The following SNUPN variants were observed in gnomAD, a reference collection of about 807,000 sequenced individuals.
SNUPN encodes the protein snurportin 1, also known as snurportin-1.
SNUPN carries 31 observed loss-of-function variants against 39.2 expected under a neutral mutation model. The ratio of observed to expected loss-of-function variants is 0.79; its 90% confidence interval spans 0.59 to 1.07. The LOEUF (loss-of-function observed/expected upper bound fraction) is 1.07. SNUPN is among the 50% of genes least tolerant of loss of function. SNUPN has a pLI of 0.00. For missense variants in SNUPN, 382 were observed against 434.2 expected (o/e 0.88, Z 1.07); for synonymous variants, 132 against 159.0 (o/e 0.83, Z 1.28).
chr15:75,618,345 G>A (rs995591971), intron 2 of SNUPN, among the ~76,000 whole-genome samples: 10 of 151,810 alleles, frequency 6.6e-5, no homozygotes, highest in Admixed American at 2.0e-4. Flanking sequence ...TTTACGGACC[G>A]TAGGTGTATG....
Position 75,609,356 on chromosome 15 carries a change from A to G in SNUPN, c.502+202T>C, listed in dbSNP as rs548107352. ...AGGTGCCCACCACCGCACCCGGCTA[A>G]TTTTTTGTATTTTTAGTAGAGACGG... is the stretch of plus-strand genomic sequence containing the variant. On this transcript the variant is annotated intron_variant, in intron 5 of 8. Transcript: ENST00000308588. Among the ~76,000 whole-genome samples the G allele has an allele frequency of 5.3e-5, 8 of 151,468 alleles. No individual in the cohort carries two copies. The East Asian group carries it at 1.6e-3, about 30-fold the overall frequency.
At chr15:75,616,607 A>G (rs1400152613) in intron 3 of SNUPN, among the ~76,000 whole-genome samples, 2 of 152,146 alleles carry the variant, frequency 1.3e-5, no homozygotes, top group African/African-American at 2.4e-5. Flanking sequence ...ACCATATTCT[A>G]AAGGCAGGGG....
At chr15:75,607,148 T>G (rs886122264) in intron 6 of SNUPN, 68 bp downstream of exon 6, 1 of 1,154,230 alleles carries the variant, frequency 8.7e-7, no homozygotes, top group South Asian at 1.2e-5. Context: ...CAAACCCACA[T>G]GCTGAGCCGC....
chr15:75,611,219 A>G (rs752167511), intron 3 of SNUPN, among the ~76,000 whole-genome samples: 1 of 151,168 alleles, frequency 6.6e-6, no homozygotes, highest in Non-Finnish European at 1.5e-5. Flanking sequence ...CTCTCATTGA[A>G]TCTTTCATTT....
At chr15:75,606,104 C>T (rs2075329190) in intron 6 of SNUPN, among the ~76,000 whole-genome samples, 1 of 152,134 alleles carries the variant, frequency 6.6e-6, no homozygotes, top group South Asian at 2.1e-4. Context: ...CAGATCGCAG[C>T]ACTGCACTCC....
At chr15:75,601,344 T>C (rs2141360265) in intron 7 of SNUPN, 126 bp from the exon 8 acceptor site, 1 of 631,596 alleles carries the variant, frequency 1.6e-6, no homozygotes, top group Middle Eastern at 3.3e-4. Context: ...GGAGGCAAAG[T>C]CAGGAGGATC....
chr15:75,624,139 G>A (rs1893153201), intron 1 of SNUPN, among the ~76,000 whole-genome samples: 1 of 147,434 alleles, frequency 6.8e-6, no homozygotes, highest in Non-Finnish European at 1.5e-5. Context: ...GTTTTAGCCG[G>A]GATGGTCTCG....
intron 1 of SNUPN, among the ~76,000 whole-genome samples, chr15:75,621,379 G>A (rs1193124976): frequency 6.6e-6 from 1 of 150,516 alleles, no homozygotes; most frequent in African/African-American, 2.4e-5. Flanking sequence ...TCCCACCTCA[G>A]CTTCCCCAGT....
At chr15:75,606,676 C>T (rs947264556) in intron 6 of SNUPN, among the ~76,000 whole-genome samples, 7 of 152,106 alleles carry the variant, frequency 4.6e-5, no homozygotes, top group Admixed American at 1.3e-4. Flanking sequence ...ATATTGGGGC[C>T]TCTCCTCCTT....
chr15:75,616,796 C>T (rs1345739318), intron 3 of SNUPN, among the ~76,000 whole-genome samples: 4 of 152,218 alleles, frequency 2.6e-5, no homozygotes, highest in Non-Finnish European at 5.9e-5. Flanking sequence ...TTGGTTTCCT[C>T]TCTGGATCTA....
At chr15:75,613,642 C>CAAAAAAA (rs58623437) in intron 3 of SNUPN, among the ~76,000 whole-genome samples, 7 of 128,474 alleles carry the variant, frequency 5.4e-5, no homozygotes, top group Non-Finnish European at 6.4e-5. Context: ...GACTCCAACT[C>CAAAAAAA]AAAAAAAAAA....
chr15:75,609,621 A>G lies in SNUPN; in HGVS notation c.439T>C (p.Tyr147His), dbSNP rs1892728722. Residue 147 changes from tyrosine to histidine, a missense_variant, in exon 5 of 9, where the codon TAC becomes CAC. Tyr to His is a moderately conservative substitution (Grantham distance 83). Coordinates refer to ENST00000308588, the MANE Select transcript of SNUPN (RefSeq NM_005701.4). ...GSTSAYTKSG[Y>H]CVNRFSSLLP... is the part of the protein sequence containing the mutation. ...AGTGAAGAAAACCTGTTGACACAGT[A>G]GCCACTCTTGGTGTAGGCACTGGTA... The G allele has an allele frequency of 6.2e-7, 1 of 1,613,560 alleles. No homozygotes were observed. Among genetic ancestry groups the G allele is most frequent in the Non-Finnish European group, 8.5e-7 (1 of 1,179,668 alleles).
At chr15:75,617,091 T>C (rs1257221800) in intron 3 of SNUPN, among the ~76,000 whole-genome samples, 3 of 152,224 alleles carry the variant, frequency 2.0e-5, no homozygotes, top group Non-Finnish European at 4.4e-5. Flanking sequence ...GACAAGGATA[T>C]GGAGTGTGTT....
chr15:75,598,289 T>C lies in SNUPN; in HGVS notation c.*69A>G. 1 of 1,288,580 alleles carries C rather than the reference T, an allele frequency of 7.8e-7. No individual in the cohort carries two copies. The highest frequency in any genetic ancestry group is 2.3e-5 in the East Asian group (1 of 42,910). 79.8% of individuals were successfully genotyped at this position (1,288,580 alleles called of 1,614,324 possible). On this transcript the variant is annotated 3_prime_UTR_variant, in exon 9 of 9. Coordinates refer to ENST00000308588, the MANE Select transcript of SNUPN (RefSeq NM_005701.4). ...AAAGAATGAAGTCACCTGTTGTCAC[T>C]GTCCTCCTCTCCAGGATTCCTTTTG...
At chr15:75,613,441 G>A (rs539508485) in intron 3 of SNUPN, among the ~76,000 whole-genome samples, 4 of 150,970 alleles carry the variant, frequency 2.6e-5, no homozygotes, top group African/African-American at 9.7e-5. Flanking sequence ...TCAGGAGTTC[G>A]AGACCAGCCT....
chr15:75,604,157 C>CTTTTTTTTTTT (rs34924144), intron 7 of SNUPN, among the ~76,000 whole-genome samples: 1 of 114,942 alleles, frequency 8.7e-6, no homozygotes, highest in East Asian at 2.5e-4. Context: ...TTCCCTTTAA[C>CTTTTTTTTTTT]TTTTTTTTTT....
chr15:75,621,229 T>C (rs1275732471), intron 1 of SNUPN, among the ~76,000 whole-genome samples, 173 bp from the exon 2 acceptor site: 1 of 151,942 alleles, frequency 6.6e-6, no homozygotes, highest in East Asian at 1.9e-4. Flanking sequence ...GAGTCATATA[T>C]TAGCAATAAC....
intron 2 of SNUPN, 34 bp from the exon 3 acceptor site, chr15:75,617,586 T>C (rs755548531): frequency 6.3e-7 from 1 of 1,577,864 alleles, no homozygotes; most frequent in Non-Finnish European, 8.6e-7. Context: ...GGACATATCT[T>C]TTCTTCTTTT....
intron 3 of SNUPN, among the ~76,000 whole-genome samples, chr15:75,610,400 C>CAAA (rs540383128): frequency 1.6e-5 from 1 of 61,082 alleles, no homozygotes. Context: ...AACTCTGTCT[C>CAAA]AAAAAAAAAA....
Sources: allele counts gnomAD v4.1 joint callset (sites outside exome capture counted in the v4.1 genomes callset), GRCh38; gene constraint gnomAD v4.1.1; transcripts MANE v1.5; gene names NCBI Gene and HGNC (gene_info 2026-07-23, HGNC 2026-07-21).